Variants in BTN3A1 observed in about 807,000 individuals in gnomAD.
BTN3A1 encodes the protein butyrophilin subfamily 3 member A1, also known as dJ45P21.3 (butyrophilin, subfamily 3, member A1).
BTN3A1 carries 24 observed loss-of-function variants against 43.0 expected under a neutral mutation model. That is an observed-to-expected ratio of 0.56 (90% CI 0.40 to 0.78). The LOEUF (loss-of-function observed/expected upper bound fraction) is 0.78. Among genes scored for constraint, BTN3A1 ranks in the 30% least tolerant of loss-of-function variants. The pLI is 0.00. For synonymous variants in BTN3A1, 181 were observed against 234.7 expected (o/e 0.77, Z 2.09); for missense variants, 533 against 626.2 (o/e 0.85, Z 1.59).
chr6:26,411,286 C>T, intron 8 of BTN3A1, 151 bp downstream of exon 8: 1 of 1,159,376 alleles, frequency 8.6e-7, no homozygotes, highest in Non-Finnish European at 1.2e-6. Flanking sequence ...TTGATTTCTG[C>T]TTTTCTGGAG....
In BTN3A1 at chr6:26,413,879, C is replaced by A; in HGVS notation, c.*187C>A. ...GCAACCAATCACAACCATAAAGCTA[C>A]AAGCACGCACTGAAGCACTTTACTG... On this transcript the variant is annotated 3_prime_UTR_variant, in exon 10 of 10. Coordinates refer to ENST00000289361, the MANE Select transcript of BTN3A1 (RefSeq NM_007048.6). 9.2e-7 allele frequency: 1 copy of A among 1,087,886 alleles called. No homozygotes were observed. Among genetic ancestry groups the A allele is most frequent in the Non-Finnish European group, 1.3e-6 (1 of 750,652 alleles). The allele number at this position is 1,087,886 out of a possible 1,614,324, so 67.4% of individuals were successfully genotyped here.
chr6:26,413,311 TGA>T lies in BTN3A1; in HGVS notation c.1165_1166del (p.Ser389LeufsTer25). 4 of 1,614,110 alleles carry T rather than the reference TGA, an allele frequency of 2.5e-6. 1 individual carries two copies. The South Asian group carries it at 4.4e-5, about 18-fold the overall frequency. ...ATTGGCATTATTGTGTTCTCGGCTGTGAGAGCTTCATATCAGGGAGACATTAC... is the reference window on the plus strand; with the variant it reads ...ATTGGCATTATTGTGTTCTCGGCTGTGAGCTTCATATCAGGGAGACATTAC... ...FNWHYCVLGC[E>X]SFISGRHYWE... On this transcript the variant is annotated frameshift_variant, in exon 10 of 10. Transcript: ENST00000289361. LOFTEE classifies it low-confidence loss of function (END_TRUNC).
At position 26,410,037 on chromosome 6, in the gene BTN3A1, G is replaced by A; in HGVS notation, c.964+5G>A. 3 of 1,614,046 alleles carry A rather than the reference G, an allele frequency of 1.9e-6. No individual in the cohort carries two copies. Among genetic ancestry groups the A allele is most frequent in the Non-Finnish European group, 2.5e-6 (3 of 1,179,974 alleles). ...GAAGTATCCAGTATGCATCTCGTAA[G>A]TGCCTCTGACATTTTCTCTGAATTT... On this transcript the variant is annotated splice_donor_5th_base_variant and intron_variant, in intron 7 of 9. Transcript: ENST00000289361.
chr6:26,413,201 C>G lies in BTN3A1; in HGVS notation c.1051C>G (p.Pro351Ala), dbSNP rs1762278505. 1 of 1,613,940 alleles carries G rather than the reference C, an allele frequency of 6.2e-7. No individual in the cohort carries two copies. The highest frequency in any genetic ancestry group is 8.5e-7 in the Non-Finnish European group (1 of 1,179,892). ...GATTCTGGATCCAAAAACAGCAAAC[C>G]CCATCCTCCTTGTTTCTGAGGACCA... ...DVILDPKTANPILLVSEDQRS... is the reference protein window; with the variant it reads ...DVILDPKTANAILLVSEDQRS... Residue 351 changes from proline (P) to alanine (A), a missense_variant, in exon 10 of 10, where the codon CCC becomes GCC. By Grantham distance (27) the Pro-to-Ala change is conservative. This residue lies in a region of BTN3A1 where 415 missense variants were observed against 427.0 expected (regional missense o/e 0.97). Coordinates refer to ENST00000289361, the MANE Select transcript of BTN3A1 (RefSeq NM_007048.6).
rs746791964 is a variant in BTN3A1, at chr6:26,405,513, G to A, written c.-51G>A. 11 of 1,535,352 alleles carry A rather than the reference G, an allele frequency of 7.2e-6. No homozygotes were observed. The highest frequency in any genetic ancestry group is 2.7e-5 in the African/African-American group (2 of 73,318). On this transcript the variant is annotated 5_prime_UTR_variant, in exon 2 of 10. Transcript: ENST00000289361. ...ATTTGGAATTCTATAGCTTCTTCCA[G>A]GTCATAGTGTCTGCCCCCCACCTTC...
intron 8 of BTN3A1, 121 bp from the exon 9 acceptor site, chr6:26,411,434 A>T (rs964816410): frequency 3.2e-6 from 4 of 1,264,520 alleles, no homozygotes; most frequent in Admixed American, 4.0e-5. Flanking sequence ...TAGAAGAGGG[A>T]GGCTGGACCC....
Position 26,409,725 on chromosome 6 carries a change from G to T in BTN3A1, c.908G>T (p.Ser303Ile), listed in dbSNP as rs1307264777. ...MAWSTMKQEQSTRVKLLEELR... is the reference protein window; with the variant it reads ...MAWSTMKQEQITRVKLLEELR... ...TGGAGCACAATGAAGCAAGAACAAA[G>T]CACAAGAGGTAGCTGACCTTGGGAG... The change falls in exon 5 of 10, where the codon AGC (serine) becomes ATC (isoleucine). Residue 303 changes from serine (S) to isoleucine (I), a missense_variant. Transcript: ENST00000289361. 6.4e-7 allele frequency: 1 copy of T among 1,573,100 alleles called. No individual in the cohort carries two copies. The highest frequency in any genetic ancestry group is 1.2e-5 in the South Asian group (1 of 84,566).
At chr6:26,408,154 C>T (rs912203166) in intron 4 of BTN3A1, among the ~76,000 whole-genome samples, 5 of 152,146 alleles carry the variant, frequency 3.3e-5, no homozygotes, top group South Asian at 2.1e-4. Context: ...TGAACATTTC[C>T]TGTCTGCCAG....
chr6:26,410,488 G>C (rs1012382819), intron 7 of BTN3A1, among the ~76,000 whole-genome samples: 1 of 151,852 alleles, frequency 6.6e-6, no homozygotes, highest in Non-Finnish European at 1.5e-5. Flanking sequence ...AGAAGAAAAA[G>C]AATAAAAGAT....
chr6:26,407,801 G>A lies in BTN3A1; in HGVS notation c.564G>A (p.Pro188=), dbSNP rs781770259. Residue 188 remains proline (P), a synonymous_variant, in exon 4 of 10, where the codon CCG becomes CCA. Coordinates refer to ENST00000289361, the MANE Select transcript of BTN3A1 (RefSeq NM_007048.6). ...QWSNNKGENI[P]TVEAPVVADG... ...GCAACAACAAGGGAGAGAACATCCC[G>A]ACTGTGGAAGCACCTGTGGTTGCAG... is the stretch of plus-strand genomic sequence containing the variant. The A allele has an allele frequency of 8.1e-6, 13 of 1,614,092 alleles. No homozygotes were observed. The highest frequency in any genetic ancestry group is 6.7e-5 in the African/African-American group (5 of 74,928).
intron 9 of BTN3A1, chr6:26,412,528 T>G: frequency 6.5e-7 from 1 of 1,549,914 alleles, no homozygotes; most frequent in Non-Finnish European, 8.7e-7. Flanking sequence ...TGGAGAAAGC[T>G]GAAGGGTGGA....
intron 9 of BTN3A1, 155 bp downstream of exon 9, chr6:26,411,736 G>A: frequency 1.1e-6 from 1 of 923,306 alleles, no homozygotes; most frequent in Middle Eastern, 2.2e-4. Context: ...TCTGAAAAGT[G>A]GGCCCATCTC....
In BTN3A1 at chr6:26,409,702, G is replaced by T; in HGVS notation, c.885G>T (p.Trp295Cys). ...AGCAAGAGTTGAGAGAAATGGCATG[G>T]AGCACAATGAAGCAAGAACAAAGCA... Reference protein sequence around the residue: ...KREQELREMAWSTMKQEQSTR... With the variant: ...KREQELREMACSTMKQEQSTR... The change falls in exon 5 of 10, where the codon TGG becomes TGT. Residue 295 changes from tryptophan (W) to cysteine (C), a missense_variant. Transcript: ENST00000289361. 1 of 1,580,720 alleles carries T rather than the reference G, an allele frequency of 6.3e-7. No individual in the cohort carries two copies.
chr6:26,411,610 C>T (rs891007984), intron 9 of BTN3A1, 29 bp downstream of exon 9: 3 of 1,606,582 alleles, frequency 1.9e-6, no homozygotes, highest in Non-Finnish European at 2.6e-6. Flanking sequence ...GTTCCCTGGA[C>T]CAACAACCTG....
At chr6:26,410,667 A>T (rs1435641905) in intron 7 of BTN3A1, among the ~76,000 whole-genome samples, 1 of 151,840 alleles carries the variant, frequency 6.6e-6, no homozygotes, top group Non-Finnish European at 1.5e-5. Context: ...GTAAGGTACG[A>T]AATTAGATTG....
At chr6:26,411,262 T>A in intron 8 of BTN3A1, 127 bp downstream of exon 8, 1 of 1,287,690 alleles carries the variant, frequency 7.8e-7, no homozygotes, top group Non-Finnish European at 1.1e-6. Flanking sequence ...ACTCAATTTG[T>A]GTGTTGTGGG....
intron 9 of BTN3A1, chr6:26,412,431 C>T: frequency 7.6e-7 from 1 of 1,312,612 alleles, no homozygotes; most frequent in Non-Finnish European, 1.1e-6. Flanking sequence ...TTGGCCAAAC[C>T]CAACAGCAAA....
In BTN3A1 at chr6:26,413,896, A is replaced by G; in HGVS notation, c.*204A>G. On this transcript the variant is annotated 3_prime_UTR_variant, in exon 10 of 10. Transcript: ENST00000289361. Reference sequence around the variant, plus strand: ...TAAAGCTACAAGCACGCACTGAAGCACTTTACTGATACTCATTCAATTATT... The same window carrying G: ...TAAAGCTACAAGCACGCACTGAAGCGCTTTACTGATACTCATTCAATTATT... 4 of 862,992 alleles carry G rather than the reference A, an allele frequency of 4.6e-6. No homozygotes were observed. The highest frequency in any genetic ancestry group is 7.1e-6 in the Non-Finnish European group (4 of 562,518). 53.5% of individuals were successfully genotyped at this position (862,992 alleles called of 1,614,324 possible).
chr6:26,411,204 T>C, intron 8 of BTN3A1, 69 bp downstream of exon 8: 1 of 1,538,938 alleles, frequency 6.5e-7, no homozygotes, highest in East Asian at 2.3e-5. Context: ...TTTTCTCTGC[T>C]GTGACCCATT....
Sources: allele counts gnomAD v4.1 joint callset (sites outside exome capture counted in the v4.1 genomes callset), GRCh38; gene constraint gnomAD v4.1.1; regional missense constraint gnomAD v4.1.1; transcripts MANE v1.5; gene names NCBI Gene and HGNC (gene_info 2026-07-23, HGNC 2026-07-21).